KRT84: variants seen among roughly 807,000 people sequenced by gnomAD.
KRT84 encodes the protein keratin, type II cuticular Hb4.
In KRT84, 38 loss-of-function variants were observed where a neutral mutation model predicts 49.0. That is an observed-to-expected ratio of 0.78 (90% CI 0.60 to 1.02). The LOEUF (loss-of-function observed/expected upper bound fraction) is 1.02. KRT84 is among the 50% of genes least tolerant of loss of function. KRT84 has a pLI of 0.00. For missense variants in KRT84, 860 were observed against 788.6 expected (o/e 1.09, Z -1.08); for synonymous variants, 334 against 312.8 (o/e 1.07, Z -0.72).
chr12:52,381,240 G>T, intron 5 of KRT84, 35 bp from the exon 6 acceptor site: 3 of 1,613,140 alleles, frequency 1.9e-6, no homozygotes, highest in South Asian at 1.1e-5. Flanking sequence ...AGGGTTCGGA[G>T]GTCAGGTCAG....
rs1437655904 is a variant in KRT84 at position 52,385,109 on chromosome 12, C to G, written c.477G>C (p.Gln159His). ...GCTCCTTCTCATCCTTCTTCACCCT[C>G]TGGGCATTGGGGTCAATCTCCAGGT... ...PLNLEIDPNA[Q>H]RVKKDEKEQI... The change falls in exon 1 of 9, where the codon CAG (glutamine) becomes CAC (histidine). Residue 159 changes from glutamine (Q) to histidine (H), a missense_variant. By Grantham distance (24) the Gln-to-His change is conservative. Coordinates refer to ENST00000257951, the MANE Select transcript of KRT84 (RefSeq NM_033045.4). 4 of 1,601,930 alleles carry G rather than the reference C, an allele frequency of 2.5e-6. No homozygotes were observed. In the African/African-American group the frequency reaches 5.4e-5, roughly 21 times the overall value.
At chr12:52,385,712 T>A (rs1939564429), upstream of KRT84, 3 of 964,668 alleles carry the variant, frequency 3.1e-6, no homozygotes, top group Non-Finnish European at 4.6e-6. Context: ...CTTGGCCCCA[T>A]AAAAATGAAA....
chr12:52,378,061 G>A lies in KRT84; in HGVS notation c.1776C>T (p.Thr592=), dbSNP rs1156547281. The change falls in exon 9 of 9, where the codon ACC becomes ACT. Residue 592 remains threonine, a synonymous_variant. Transcript: ENST00000257951. ...GRSSSVRFVS[T]TTSCRTKY ...AGTACTTGGTCCGGCAGGAGGTGGTGGTGGACACAAAGCGGACGCTGGAGC... is the reference window on the plus strand; with the variant it reads ...AGTACTTGGTCCGGCAGGAGGTGGTAGTGGACACAAAGCGGACGCTGGAGC... 3.4e-6 allele frequency: 5 copies of A among 1,484,578 alleles called. No homozygotes were observed. In the South Asian group the frequency reaches 4.3e-5, roughly 13 times the overall value. 92.0% of individuals were successfully genotyped at this position (1,484,578 alleles called of 1,614,324 possible). A position where few individuals can be genotyped will look rare whatever the true frequency, so the allele number is the denominator to read the frequency against.
rs1308816588 is a variant in KRT84, at chr12:52,378,173, G to A, written c.1664C>T (p.Ser555Phe). The A allele has an allele frequency of 1.3e-6, 2 of 1,579,346 alleles. No individual in the cohort carries two copies. Among genetic ancestry groups the A allele is most frequent in the South Asian group, 1.2e-5 (1 of 85,448 alleles). The change falls in exon 9 of 9, where the codon TCC becomes TTC. Residue 555 changes from serine (S) to phenylalanine (F), a missense_variant. By Grantham distance (155) the Ser-to-Phe change is radical. Coordinates refer to ENST00000257951, the MANE Select transcript of KRT84 (RefSeq NM_033045.4). Reference protein sequence around the residue: ...DLLSTGTRSGSMLISEACVPS... With the variant: ...DLLSTGTRSGFMLISEACVPS... ...GACACAGGCCTCGCTGATGAGCATG[G>A]AGCCACTCCTTGTGCCAGTGCTCAG...
At chr12:52,383,881 T>C in intron 1 of KRT84, 83 bp from the exon 2 acceptor site, 2 of 1,119,392 alleles carry the variant, frequency 1.8e-6, no homozygotes, top group Non-Finnish European at 2.6e-6. Context: ...TGGCCAGCGA[T>C]GACTTGACCA....
At position 52,382,298 on chromosome 12, in the gene KRT84, T is replaced by C. The variant is rs540706981; in HGVS notation, c.912+139A>G. On this transcript the variant is annotated intron_variant, in intron 4 of 8. Coordinates refer to ENST00000257951, the MANE Select transcript of KRT84 (RefSeq NM_033045.4). ...TTCCCCATTTGAAGACATATTGGCATATATAGCATACAGATTTGAGTGAGA... is the reference window on the plus strand; with the variant it reads ...TTCCCCATTTGAAGACATATTGGCACATATAGCATACAGATTTGAGTGAGA... The C allele has an allele frequency of 2.0e-4, 126 of 626,172 alleles. No individual in the cohort carries two copies. The South Asian group carries it at 2.4e-3, about 12-fold the overall frequency. The allele number at this position is 626,172 out of a possible 1,614,324, so 38.8% of individuals were successfully genotyped here. A position where few individuals can be genotyped will look rare whatever the true frequency, so the allele number is the denominator to read the frequency against.
chr12:52,382,928 G>T, intron 3 of KRT84, 77 bp downstream of exon 3: 1 of 1,233,260 alleles, frequency 8.1e-7, no homozygotes, highest in Non-Finnish European at 1.2e-6. Flanking sequence ...AGGGCTGCCT[G>T]AGCAGTTTCC....
At chr12:52,384,912 G>T in intron 1 of KRT84, 128 bp downstream of exon 1, 1 of 974,832 alleles carries the variant, frequency 1.0e-6, no homozygotes, top group Non-Finnish European at 1.5e-6. Flanking sequence ...GCCTGAGGTA[G>T]GCACTTGAAA....
chr12:52,382,418 A>C lies in KRT84; in HGVS notation c.912+19T>G. 1.3e-6 allele frequency: 2 copies of C among 1,559,590 alleles called. No homozygotes were observed. The highest frequency in any genetic ancestry group is 8.8e-7 in the Non-Finnish European group (1 of 1,130,242). ...AAGCATTGATCTCCTTGGGTGCCCTAGAGAAGATGAACCCTCACCTCCATG... is the reference window on the plus strand; with the variant it reads ...AAGCATTGATCTCCTTGGGTGCCCTCGAGAAGATGAACCCTCACCTCCATG... On this transcript the variant is annotated intron_variant, in intron 4 of 8. Coordinates refer to ENST00000257951, the MANE Select transcript of KRT84 (RefSeq NM_033045.4).
At position 52,385,234 on chromosome 12, in the gene KRT84, CA is replaced by C; in HGVS notation, c.351del (p.Phe117LeufsTer24). On this transcript the variant is annotated frameshift_variant, in exon 1 of 9. Transcript: ENST00000257951. LOFTEE classifies it high-confidence loss of function. ...FGAGSGIGYG[F>X]GGPGFGYRVG... ...ACTCTGTAACCAAAGCCAGGGCCAC[CA>C]AAGCCATAGCCAATGCCACTGCCAG... 1 of 1,613,954 alleles carries C rather than the reference CA, an allele frequency of 6.2e-7. No individual in the cohort carries two copies. Among genetic ancestry groups the C allele is most frequent in the Non-Finnish European group, 8.5e-7 (1 of 1,179,874 alleles).
At chr12:52,381,730 C>G (rs1296322431) in intron 4 of KRT84, among the ~76,000 whole-genome samples, 1 of 152,206 alleles carries the variant, frequency 6.6e-6, no homozygotes, top group African/African-American at 2.4e-5. Context: ...TTGTGATCTA[C>G]TCAGAAACAT....
In KRT84 at chr12:52,378,279, C is replaced by T. The variant is rs201058386; in HGVS notation, c.1558G>A (p.Val520Ile). 48 of 1,548,820 alleles carry T rather than the reference C, an allele frequency of 3.1e-5. No homozygotes were observed. In the African/African-American group the frequency reaches 3.3e-4, roughly 11 times the overall value. ...GCCAGGACCCCACTGGTGGCACAGACGCTGCTGCTACCTGAGAAGGTGACC... is the reference window on the plus strand; with the variant it reads ...GCCAGGACCCCACTGGTGGCACAGATGCTGCTGCTACCTGAGAAGGTGACC... ...GGVTFSGSSS[V>I]CATSGVLASC... The change falls in exon 9 of 9, where the codon GTC becomes ATC. Residue 520 changes from valine (V) to isoleucine (I), a missense_variant. Coordinates refer to ENST00000257951, the MANE Select transcript of KRT84 (RefSeq NM_033045.4).
intron 8 of KRT84, among the ~76,000 whole-genome samples, chr12:52,378,845 C>T (rs574296699): frequency 3.0e-4 from 45 of 152,350 alleles, no homozygotes; most frequent in African/African-American, 8.2e-4. Flanking sequence ...AGTCCCTTGT[C>T]GCCTCTCTCC....
At position 52,378,240 on chromosome 12, in the gene KRT84, TG is replaced by T; in HGVS notation, c.1596del (p.Ser533AlafsTer15). 2 of 1,564,456 alleles carry T rather than the reference TG, an allele frequency of 1.3e-6. No individual in the cohort carries two copies. Among genetic ancestry groups the T allele is most frequent in the African/African-American group, 1.3e-5 (1 of 74,148 alleles). ...GGGGCGACCCGGGCTCCACCCAGGC[TG>T]GGGCCACAGGAAGCCAGGACCCCAC... ...ATSGVLASCGPSLGGARVAPA... is the reference protein window; with the variant it reads ...ATSGVLASCGXSLGGARVAPA... On this transcript the variant is annotated frameshift_variant, in exon 9 of 9. Coordinates refer to ENST00000257951, the MANE Select transcript of KRT84 (RefSeq NM_033045.4). LOFTEE classifies it low-confidence loss of function (END_TRUNC).
At chr12:52,382,928 G>A (rs918980556) in intron 3 of KRT84, 77 bp downstream of exon 3, 2 of 1,233,266 alleles carry the variant, frequency 1.6e-6, no homozygotes, top group African/African-American at 1.5e-5. Flanking sequence ...AGGGCTGCCT[G>A]AGCAGTTTCC....
chr12:52,378,217 G>T lies in KRT84; in HGVS notation c.1620C>A (p.Ala540=). The T allele has an allele frequency of 1.3e-6, 2 of 1,569,958 alleles. No individual in the cohort carries two copies. Among genetic ancestry groups the T allele is most frequent in the East Asian group, 2.3e-5 (1 of 42,834 alleles). ...CGPSLGGARV[A]PATGDLLSTG... is the part of the protein sequence containing the mutation. ...TGCTCAGCAGGTCCCCAGTGGCCGG[G>T]GCGACCCGGGCTCCACCCAGGCTGG... Residue 540 remains alanine (A), a synonymous_variant, in exon 9 of 9, where the codon GCC becomes GCA. Transcript: ENST00000257951.
intron 2 of KRT84, 30 bp downstream of exon 2, chr12:52,383,560 A>G: frequency 6.3e-7 from 1 of 1,592,096 alleles, no homozygotes; most frequent in Non-Finnish European, 8.6e-7. Flanking sequence ...CTGGCCTGTC[A>G]CTGGTCTGTG....
At chr12:52,382,221 A>T (rs1347087418) in intron 4 of KRT84, among the ~76,000 whole-genome samples, 1 of 152,206 alleles carries the variant, frequency 6.6e-6, no homozygotes, top group African/African-American at 2.4e-5. Flanking sequence ...TGGATCATAG[A>T]TCCAAGGAGT....
In KRT84 at chr12:52,380,828, C is replaced by T. The variant is rs560018217; in HGVS notation, c.1204-245G>A. Among the ~76,000 whole-genome samples the T allele has an allele frequency of 3.3e-5, 5 of 152,206 alleles. 1 individual carries two copies. Among genetic ancestry groups the T allele is most frequent in the Admixed American group, 2.0e-4 (3 of 15,282 alleles). On this transcript the variant is annotated intron_variant, in intron 6 of 8. Coordinates refer to ENST00000257951, the MANE Select transcript of KRT84 (RefSeq NM_033045.4). ...GATTTCAGCTGCCCCAGAGTCATGG[C>T]ATCTAGAGGGTAAATTTATTCTTTC...
Sources: gnomAD v4.1 joint callset for allele counts (sites outside exome capture counted in the v4.1 genomes callset) on GRCh38, gnomAD v4.1.1 for gene constraint, MANE v1.5 for transcripts, NCBI Gene and HGNC (gene_info 2026-07-23, HGNC 2026-07-21) for gene names.